The following KAZN variants were observed in gnomAD, a reference collection of about 807,000 sequenced individuals.
KAZN encodes the protein kazrin.
In KAZN, 40 loss-of-function variants were observed where a neutral mutation model predicts 87.4. That is an observed-to-expected ratio of 0.46 (90% CI 0.36 to 0.60). The LOEUF is 0.60. Ranked by LOEUF, KAZN falls within the 20% of genes least tolerant of loss-of-function variation. The pLI, the probability that KAZN is intolerant of heterozygous loss-of-function variation, is 0.00. For synonymous variants in KAZN, 466 were observed against 458.3 expected, an observed-to-expected ratio of 1.02 and a Z score of -0.22; for missense variants, 898 against 1,073.9, an observed-to-expected ratio of 0.84 and a Z score of 2.29.
intron 4 of KAZN, among the ~76,000 whole-genome samples, chr1:15,050,024 AGTAGG>A (rs762329299): frequency 0.041 from 4,916 of 120,290 alleles, 203 homozygotes; most frequent in African/African-American, 0.096. Context: ...ATCAGAGTAG[AGTAGG>A]GTAGGGTAGG....
chr1:13,927,789 A>T (rs562554073), intron 1 of KAZN, among the ~76,000 whole-genome samples: 14 of 152,330 alleles, frequency 9.2e-5, no homozygotes, highest in Non-Finnish European at 1.8e-4. Context: ...AGGAAACTGG[A>T]TGTGTGGAGC....
chr1:14,226,384 C>G lies in KAZN; in HGVS notation c.249+45792C>G, dbSNP rs1415793689. 5.9e-5 allele frequency among the ~76,000 whole-genome samples: 9 copies of G among 152,192 alleles called. No individual in the cohort carries two copies. The South Asian group carries it at 1.9e-3, about 32-fold the overall frequency. ...ACCACAATGAGATACCACCTCACAC[C>G]AGTCAAATGGCTATTACTAAAAAGT... is the stretch of plus-strand genomic sequence containing the variant. On this transcript the variant is annotated intron_variant, in intron 2 of 16. Coordinates refer to the KAZN transcript ENST00000636203.
intron 1 of KAZN, among the ~76,000 whole-genome samples, chr1:14,606,222 T>A (rs1173384533): frequency 6.6e-6 from 1 of 152,216 alleles, no homozygotes; most frequent in South Asian, 2.1e-4. Context: ...TGTGTATGCT[T>A]CTCTGCCCTG....
chr1:14,079,130 T>C (rs1387599221), intron 1 of KAZN, among the ~76,000 whole-genome samples: 1 of 152,212 alleles, frequency 6.6e-6, no homozygotes, highest in African/African-American at 2.4e-5. Context: ...CAGTATCTGC[T>C]TGGCTTCTGG....
chr1:14,525,095 T>C (rs1005186008), intron 2 of KAZN, among the ~76,000 whole-genome samples: 3 of 152,196 alleles, frequency 2.0e-5, no homozygotes, highest in Middle Eastern at 3.2e-3. Context: ...AGATGACACA[T>C]GGACATATGT....
chr1:15,007,796 C>G (rs752501542), intron 2 of KAZN, among the ~76,000 whole-genome samples: 7 of 152,212 alleles, frequency 4.6e-5, no homozygotes, highest in Non-Finnish European at 1.0e-4. Flanking sequence ...TGCTAACAAA[C>G]CTGAATGCCA....
chr1:14,260,640 C>T (rs934246716), intron 2 of KAZN, among the ~76,000 whole-genome samples: 1 of 152,304 alleles, frequency 6.6e-6, no homozygotes, highest in African/African-American at 2.4e-5. Context: ...GCCACAAAGT[C>T]GTGAGTAAAG....
intron 2 of KAZN, among the ~76,000 whole-genome samples, chr1:14,207,056 C>T (rs951303026): frequency 2.6e-4 from 39 of 151,446 alleles, no homozygotes; most frequent in African/African-American, 9.0e-4. Flanking sequence ...TTCTGCCTCT[C>T]GGGTTCAAGT....
chr1:14,693,849 C>T (rs1259190622), intron 1 of KAZN, among the ~76,000 whole-genome samples: 4 of 152,176 alleles, frequency 2.6e-5, no homozygotes, highest in Non-Finnish European at 5.9e-5. Context: ...GCTCAGCCCC[C>T]ATTAAAAAGG....
chr1:14,751,757 A>G (rs943864350), intron 1 of KAZN, among the ~76,000 whole-genome samples: 7 of 152,236 alleles, frequency 4.6e-5, no homozygotes, highest in African/African-American at 1.7e-4. Flanking sequence ...TTTCTCCTTC[A>G]TGTTTCCAAA....
At chr1:15,015,533 C>T (rs1172142912) in intron 2 of KAZN, among the ~76,000 whole-genome samples, 5 of 152,160 alleles carry the variant, frequency 3.3e-5, no homozygotes, top group Non-Finnish European at 7.4e-5. Flanking sequence ...GGAGCTGTCT[C>T]TCGGGTGAAG....
At chr1:14,381,035 C>G (rs1369700770) in intron 2 of KAZN, among the ~76,000 whole-genome samples, 5 of 152,170 alleles carry the variant, frequency 3.3e-5, no homozygotes, top group African/African-American at 7.2e-5. Context: ...CCCTCCCCTT[C>G]TGAGGCAGAG....
At chr1:14,946,328 T>C (rs1661780706) in intron 1 of KAZN, among the ~76,000 whole-genome samples, 2 of 145,480 alleles carry the variant, frequency 1.4e-5, no homozygotes, top group Non-Finnish European at 2.9e-5. Flanking sequence ...TCTCTTTTTT[T>C]TTTTTAATTC....
chr1:14,519,477 G>A (rs868328807), intron 2 of KAZN, among the ~76,000 whole-genome samples: 11 of 152,122 alleles, frequency 7.2e-5, no homozygotes, highest in South Asian at 2.1e-4. Context: ...TACTACCCTC[G>A]TGGGTATCCT....
intron 1 of KAZN, among the ~76,000 whole-genome samples, chr1:14,706,085 A>G (rs1642194011): frequency 6.6e-6 from 1 of 152,138 alleles, no homozygotes; most frequent in African/African-American, 2.4e-5. Context: ...CCTCTTGTGA[A>G]CTGTGCATGC....
At position 14,803,149 on chromosome 1, in the gene KAZN, C is replaced by G. The variant is rs144154756; in HGVS notation, c.227-157535C>G. Among the ~76,000 whole-genome samples, 157 of 151,418 alleles carry G rather than the reference C, an allele frequency of 1.0e-3. 1 individual carries two copies. The East Asian group carries it at 0.023, about 22-fold the overall frequency. ...CTGAGGGCTCCTTATAAGACAAACG[C>G]TGTGCTAAAGCCTCCCTTCATCTGC... On this transcript the variant is annotated intron_variant, in intron 1 of 14. Transcript: ENST00000376030.
chr1:14,172,373 AT>A (rs1289484232), intron 1 of KAZN, among the ~76,000 whole-genome samples: 1 of 151,912 alleles, frequency 6.6e-6, no homozygotes, highest in African/African-American at 2.4e-5. Context: ...TTTTTCCTTC[AT>A]TTCTTCATTT....
At chr1:14,286,725 C>G (rs529155549) in intron 2 of KAZN, among the ~76,000 whole-genome samples, 1 of 152,164 alleles carries the variant, frequency 6.6e-6, no homozygotes, top group African/African-American at 2.4e-5. Flanking sequence ...ATTAACATCC[C>G]CAGGTAGCCC....
chr1:14,993,132 G>T (rs1427712800), intron 2 of KAZN, among the ~76,000 whole-genome samples: 4 of 149,658 alleles, frequency 2.7e-5, no homozygotes, highest in Admixed American at 6.6e-5. Flanking sequence ...CAGTCTGGGA[G>T]CCTTTGTATA....
Sources: gnomAD v4.1 joint callset for allele counts (sites outside exome capture counted in the v4.1 genomes callset) on GRCh38, gnomAD v4.1.1 for gene constraint, MANE v1.5 for transcripts, NCBI Gene and HGNC (gene_info 2026-07-23, HGNC 2026-07-21) for gene names.